Variants in CUL4A observed in about 807,000 individuals in gnomAD.
CUL4A encodes the protein cullin 4A, also known as cullin-4A.
CUL4A carries 16 observed loss-of-function variants against 95.5 expected under a neutral mutation model. The ratio of observed to expected loss-of-function variants is 0.17; its 90% CI spans 0.11 to 0.25. The LOEUF (loss-of-function observed/expected upper bound fraction) is 0.25, where lower values mean the gene tolerates loss of function less well. CUL4A is among the 10% of genes least tolerant of loss of function. CUL4A has a pLI of 1.00. For missense variants in CUL4A, 610 were observed against 937.0 expected (o/e 0.65, Z 4.56); for synonymous variants, 380 against 353.1 (o/e 1.08, Z -0.85).
intron 18 of CUL4A, among the ~76,000 whole-genome samples, chr13:113,260,019 C>T (rs2042226719): frequency 1.3e-5 from 2 of 149,578 alleles, no homozygotes; most frequent in Admixed American, 6.7e-5. Context: ...GCCTGGCTAA[C>T]ATGGTGAAAC....
At position 113,243,129 on chromosome 13, in the gene CUL4A, C is replaced by T; in HGVS notation, c.1197C>T (p.Asn399=). ...LMKESFETFI[N]KRPNKPAELI... is the part of the protein sequence containing the mutation. ...AGGAGTCCTTTGAGACGTTCATCAA[C>T]AAGAGACCCAACAAGCCTGCAGAAC... The change falls in exon 11 of 20, where the codon AAC becomes AAT. Residue 399 remains asparagine, a synonymous_variant. Coordinates refer to ENST00000375440, the MANE Select transcript of CUL4A (RefSeq NM_001008895.4). 1 of 1,613,876 alleles carries T rather than the reference C, an allele frequency of 6.2e-7. No homozygotes were observed. Among genetic ancestry groups the T allele is most frequent in the Non-Finnish European group, 8.5e-7 (1 of 1,179,782 alleles).
chr13:113,234,174 G>A (rs893267340), intron 7 of CUL4A, among the ~76,000 whole-genome samples, 188 bp downstream of exon 7: 2 of 152,130 alleles, frequency 1.3e-5, no homozygotes, highest in African/African-American at 4.8e-5. Context: ...TTTAGTTTAT[G>A]TGAACTTAGA....
chr13:113,229,110 C>T (rs1378223921), intron 4 of CUL4A, among the ~76,000 whole-genome samples: 1 of 152,142 alleles, frequency 6.6e-6, no homozygotes, highest in Non-Finnish European at 1.5e-5. Flanking sequence ...CAGAGCGAGA[C>T]TCCGTCTCAA....
chr13:113,226,588 A>G (rs2041112864), intron 3 of CUL4A, among the ~76,000 whole-genome samples: 1 of 152,198 alleles, frequency 6.6e-6, no homozygotes, highest in South Asian at 2.1e-4. Flanking sequence ...TCTTTGTCCT[A>G]AACTACTTTT....
intron 4 of CUL4A, among the ~76,000 whole-genome samples, chr13:113,228,936 C>T (rs1223003316): frequency 2.0e-5 from 3 of 150,882 alleles, no homozygotes; most frequent in East Asian, 3.9e-4. Context: ...CTGGCTAACA[C>T]GGTGAAACCA....
chr13:113,228,436 G>A (rs2041186407), intron 4 of CUL4A, among the ~76,000 whole-genome samples: 1 of 152,142 alleles, frequency 6.6e-6, no homozygotes, highest in African/African-American at 2.4e-5. Flanking sequence ...CATTTTTAGT[G>A]TGACCTGGCC....
At chr13:113,208,525 C>T, upstream of CUL4A, 2 of 1,570,612 alleles carry the variant, frequency 1.3e-6, no homozygotes, top group South Asian at 2.3e-5. Context: ...GCCTGAGGGT[C>T]CAAGGCAGGA....
chr13:113,208,253 CCCTCGGCGTGGCCCG>C (rs1423833908), upstream of CUL4A: 3 of 1,439,284 alleles, frequency 2.1e-6, no homozygotes, highest in Admixed American at 7.9e-5. Flanking sequence ...CCACAGCGGG[CCCTCGGCGTGGCCCG>C]CAGGCCCTTC....
intron 19 of CUL4A, among the ~76,000 whole-genome samples, chr13:113,262,545 A>T: frequency 6.6e-6 from 1 of 152,192 alleles, no homozygotes; most frequent in East Asian, 1.9e-4. Flanking sequence ...GCTACTGGGG[A>T]GGCTGAAGCA....
intron 3 of CUL4A, chr13:113,219,394 C>CAA (rs2040815456): frequency 1.5e-5 from 3 of 206,180 alleles, no homozygotes; most frequent in South Asian, 1.5e-4. Context: ...TGGAGACACC[C>CAA]ACTTATCAGC....
At chr13:113,208,215 A>C (rs2040076718), upstream of CUL4A, 1 of 1,528,028 alleles carries the variant, frequency 6.5e-7, no homozygotes, top group Admixed American at 1.9e-5. Context: ...TCCTGCTGGG[A>C]AACAGCGTCC....
At chr13:113,234,084 A>G (rs1393916313) in intron 7 of CUL4A, 98 bp downstream of exon 7, 52 of 675,960 alleles carry the variant, frequency 7.7e-5, no homozygotes, top group Non-Finnish European at 4.6e-5. Flanking sequence ...ACACATGCAA[A>G]TGTTTCATTG....
At chr13:113,228,075 C>T (rs774417744) in intron 4 of CUL4A, 30 bp downstream of exon 4, 25 of 1,516,118 alleles carry the variant, frequency 1.6e-5, no homozygotes, top group Admixed American at 1.2e-4. Context: ...CATCAAAACA[C>T]GACCTCATCC....
intron 15 of CUL4A, among the ~76,000 whole-genome samples, chr13:113,251,189 G>A (rs943469559): frequency 6.6e-6 from 1 of 152,196 alleles, no homozygotes; most frequent in Non-Finnish European, 1.5e-5. Flanking sequence ...AGAGCTAAGA[G>A]GGTGTCAGAG....
chr13:113,244,115 C>T (rs981673645), intron 11 of CUL4A: 5 of 265,830 alleles, frequency 1.9e-5, no homozygotes, highest in Non-Finnish European at 2.2e-5. Context: ...GTCCTGAAAC[C>T]TGAGCATGTA....
rs779728138 is a variant in CUL4A at position 113,235,184 on chromosome 13, C to A, written c.848+39C>A. 1.5e-5 allele frequency: 22 copies of A among 1,425,384 alleles called. No individual in the cohort carries two copies. The Admixed American group carries it at 2.1e-4, about 14-fold the overall frequency. 88.3% of individuals were successfully genotyped at this position (1,425,384 alleles called of 1,614,324 possible). ...GCTCGCTGAGCGTTCGTATCTTCAC[C>A]ATGGCTGGAAGGTTCTCCTGGCTGG... On this transcript the variant is annotated intron_variant, in intron 8 of 19. Transcript: ENST00000375440.
rs1373355190 is a variant in CUL4A, at chr13:113,210,048, G to A, written c.224G>A (p.Ser75Asn). Residue 75 changes from serine to asparagine, a missense_variant, in exon 2 of 20, where the codon AGC becomes AAC. This residue lies in a region of CUL4A where 168 missense variants were observed against 185.5 expected (regional missense o/e 0.91). Transcript: ENST00000375440. ...KLHEAVRAVQ[S>N]STSIRYNLEE... ...CACGAGGCGGTGCGGGCCGTGCAGAGCAGCACCTCCATCAGGTACAACCTC... is the reference window on the plus strand; with the variant it reads ...CACGAGGCGGTGCGGGCCGTGCAGAACAGCACCTCCATCAGGTACAACCTC... 6.6e-7 allele frequency: 1 copy of A among 1,521,756 alleles called. No homozygotes were observed. The highest frequency in any genetic ancestry group is 8.8e-7 in the Non-Finnish European group (1 of 1,135,672). The allele number at this position is 1,521,756 out of a possible 1,614,324, so 94.3% of individuals were successfully genotyped here. A position where few individuals can be genotyped will look rare whatever the true frequency, so the allele number is the denominator to read the frequency against.
intron 15 of CUL4A, 28 bp from the exon 16 acceptor site, chr13:113,253,054 A>C (rs751809442): frequency 7.5e-6 from 9 of 1,203,220 alleles, no homozygotes; most frequent in Non-Finnish European, 1.1e-5. Flanking sequence ...TGTGTGGCAT[A>C]ATTTTGTTGT....
intron 15 of CUL4A, among the ~76,000 whole-genome samples, chr13:113,252,369 T>TACA (rs1178789374): frequency 7.2e-5 from 11 of 152,032 alleles, no homozygotes; most frequent in Admixed American, 2.0e-4. Flanking sequence ...GACCCATCTC[T>TACA]ACAACAACAA....
Sources: allele counts gnomAD v4.1 joint callset (sites outside exome capture counted in the v4.1 genomes callset), GRCh38; gene constraint gnomAD v4.1.1; regional missense constraint gnomAD v4.1.1; transcripts MANE v1.5; gene names NCBI Gene and HGNC (gene_info 2026-07-23, HGNC 2026-07-21).